COL4A4: variants seen among roughly 807,000 people sequenced by gnomAD.
COL4A4 encodes collagen type IV alpha 4 chain, also known as collagen alpha-4(IV) chain.
COL4A4 carries 105 observed loss-of-function variants against 192.9 expected under a neutral mutation model. That is an observed-to-expected ratio of 0.54 (90% CI 0.46 to 0.64). The LOEUF is 0.64. Ranked by LOEUF, COL4A4 falls within the 30% of genes least tolerant of loss-of-function variation. COL4A4 has a pLI of 0.00. For missense variants in COL4A4, 1,967 were observed against 2,169.3 expected, an observed-to-expected ratio of 0.91 and a Z score of 1.85; for synonymous variants, 762 against 769.9, an observed-to-expected ratio of 0.99 and a Z score of 0.17.
intron 46 of COL4A4, among the ~76,000 whole-genome samples, chr2:227,009,416 G>A (rs1208279328): frequency 6.6e-6 from 1 of 152,108 alleles, no homozygotes; most frequent in Non-Finnish European, 1.5e-5. Flanking sequence ...ATTGAAAATT[G>A]GCAAGGGCTG....
At chr2:227,109,458 C>G (rs1030337328) in intron 9 of COL4A4, 172 bp from the exon 10 acceptor site, 4 of 718,038 alleles carry the variant, frequency 5.6e-6, no homozygotes, top group Non-Finnish European at 1.0e-5. Context: ...CCTAAAAGGG[C>G]ACCAAGCAGT....
At chr2:227,018,940 A>T (rs1233051237) in intron 44 of COL4A4, among the ~76,000 whole-genome samples, 1 of 152,234 alleles carries the variant, frequency 6.6e-6, no homozygotes, top group African/African-American at 2.4e-5. Flanking sequence ...TTCATGTCAA[A>T]GATAACTATC....
At chr2:226,993,935 A>G in the COL4A4 span, among the ~76,000 whole-genome samples, 5 of 152,208 alleles carry the variant, frequency 3.3e-5, no homozygotes, top group Non-Finnish European at 5.9e-5. Context: ...GCAATGAGCA[A>G]GAGGGATCCA....
intron 9 of COL4A4, among the ~76,000 whole-genome samples, chr2:227,109,792 G>C (rs931458207): frequency 6.6e-6 from 1 of 150,590 alleles, no homozygotes; most frequent in Non-Finnish European, 1.5e-5. Flanking sequence ...CACTCTGGTA[G>C]TTGTGATAAA....
intron 37 of COL4A4, among the ~76,000 whole-genome samples, chr2:227,034,997 G>A (rs1218108694): frequency 6.6e-6 from 1 of 151,782 alleles, no homozygotes; most frequent in Admixed American, 6.6e-5. Flanking sequence ...TCAAATTTGG[G>A]ATAAAAATAC....
At chr2:227,025,907 A>T in intron 42 of COL4A4, 97 bp from the exon 43 acceptor site, 3 of 1,063,822 alleles carry the variant, frequency 2.8e-6, no homozygotes, top group Non-Finnish European at 4.3e-6. Flanking sequence ...AATGAAATAG[A>T]TTAAGAACAT....
At chr2:227,050,602 A>G (rs1402176416) in intron 33 of COL4A4, among the ~76,000 whole-genome samples, 2 of 152,192 alleles carry the variant, frequency 1.3e-5, no homozygotes, top group Non-Finnish European at 2.9e-5. Flanking sequence ...TGAAGACGAA[A>G]TATATTGAAA....
intron 25 of COL4A4, among the ~76,000 whole-genome samples, chr2:227,065,955 G>C (rs145727427): frequency 1.5e-3 from 222 of 152,270 alleles, no homozygotes; most frequent in African/African-American, 4.9e-3. Context: ...CAAACCAAAG[G>C]CAAAGAAGTT....
intron 4 of COL4A4, among the ~76,000 whole-genome samples, chr2:227,137,145 G>A (rs1337822987): frequency 4.6e-5 from 7 of 152,100 alleles, no homozygotes; most frequent in South Asian, 2.1e-4. Flanking sequence ...GCAGAGTGCC[G>A]CTCAGGACTG....
intron 1 of COL4A4, among the ~76,000 whole-genome samples, chr2:227,152,425 G>A (rs1449683188): frequency 6.6e-6 from 1 of 152,292 alleles, no homozygotes; most frequent in East Asian, 1.9e-4. Context: ...GGGTCCATGT[G>A]CTTCAGTTTG....
the COL4A4 span, among the ~76,000 whole-genome samples, chr2:226,994,242 A>C: frequency 6.6e-6 from 1 of 152,206 alleles, no homozygotes; most frequent in South Asian, 2.1e-4. Context: ...CTGTGTGTTC[A>C]GAACTGTCCC....
At chr2:227,089,330 TAAAC>T (rs1249238377) in intron 21 of COL4A4, among the ~76,000 whole-genome samples, 1 of 151,936 alleles carries the variant, frequency 6.6e-6, no homozygotes, top group Non-Finnish European at 1.5e-5. Context: ...CTTTTTGTCT[TAAAC>T]AAATGTCTTC....
In COL4A4 at chr2:227,012,267, C is replaced by T. The variant is rs370734150; in HGVS notation, c.4247G>A (p.Arg1416Lys). ...CCCAGGGACGCCATCCACACCCCTC[C>T]TGCCATCCAGCCCAGGCTCTCCTTT... ...GCKGEPGLDG[R>K]RGVDGVPGSP... Residue 1416 changes from arginine (R) to lysine (K), a missense_variant, in exon 45 of 48, where the codon AGG (arginine) becomes AAG (lysine). By Grantham distance (26) the Arg-to-Lys change is conservative. Transcript: ENST00000396625. 57 of 1,614,116 alleles carry T rather than the reference C, an allele frequency of 3.5e-5. No individual in the cohort carries two copies. Among genetic ancestry groups the T allele is most frequent in the Admixed American group, 5.0e-5 (3 of 60,018 alleles).
intron 35 of COL4A4, among the ~76,000 whole-genome samples, chr2:227,044,650 GGTTGT>G (rs965597834): frequency 3.3e-5 from 5 of 152,006 alleles, no homozygotes; most frequent in African/African-American, 2.4e-5. Flanking sequence ...AATTTTGTGG[GGTTGT>G]GTTAAGAACA....
intron 9 of COL4A4, 25 bp from the exon 10 acceptor site, chr2:227,109,311 T>C: frequency 6.3e-7 from 1 of 1,589,664 alleles, no homozygotes. Flanking sequence ...AATCAGTGCA[T>C]CTGTTACCCA....
At position 227,041,854 on chromosome 2, in the gene COL4A4, GAA is replaced by G. The variant is rs1491412515; in HGVS notation, c.3505+292_3505+293del. On this transcript the variant is annotated intron_variant, in intron 37 of 47. Transcript: ENST00000396625. ...AAAGAAAGAAAGAAAGAAAGAGAAA[GAA>G]AGAAAGAAAGAAAGAAAGAAAGAAA... 3.3e-3 allele frequency among the ~76,000 whole-genome samples: 327 copies of G among 99,028 alleles called. 6 individuals carry two copies. Among genetic ancestry groups the G allele is most frequent in the Non-Finnish European group, 4.1e-3 (196 of 47,954 alleles). 65.0% of individuals were successfully genotyped at this position (99,028 alleles called of 152,430 possible).
At chr2:226,992,761 AG>A in the COL4A4 span, among the ~76,000 whole-genome samples, 1 of 152,194 alleles carries the variant, frequency 6.6e-6, no homozygotes, top group Non-Finnish European at 1.5e-5. Context: ...GAATGGTGAG[AG>A]GTGCAACCCT....
rs1455372263 is a variant in COL4A4, at chr2:227,006,146, A to G, written c.*1179T>C. 2 of 152,684 alleles carry G rather than the reference A, an allele frequency of 1.3e-5. No homozygotes were observed. The highest frequency in any genetic ancestry group is 2.9e-5 in the Non-Finnish European group (2 of 68,036). The allele number at this position is 152,684 out of a possible 1,614,324, so 9.5% of individuals were successfully genotyped here. On this transcript the variant is annotated 3_prime_UTR_variant, in exon 48 of 48. Transcript: ENST00000396625. ...AATTGTCTTTGTTTCGTTTAAAGAT[A>G]GTGCCATGTCCTCCTGATGGGGTAA...
At chr2:227,151,216 A>G (rs2063919982) in intron 1 of COL4A4, among the ~76,000 whole-genome samples, 8 of 152,178 alleles carry the variant, frequency 5.3e-5, no homozygotes, top group Admixed American at 5.2e-4. Context: ...ACATTATTAT[A>G]TTTCTCTGCA....
Sources: gnomAD v4.1 joint callset for allele counts (sites outside exome capture counted in the v4.1 genomes callset) on GRCh38, gnomAD v4.1.1 for gene constraint, MANE v1.5 for transcripts, NCBI Gene and HGNC (gene_info 2026-07-23, HGNC 2026-07-21) for gene names.